Variants in C1orf21 observed in about 807,000 individuals in gnomAD.
The protein encoded by C1orf21 is uncharacterized protein C1orf21.
A neutral mutation model predicts 18.7 loss-of-function variants in C1orf21; 3 were observed. That is an observed-to-expected ratio of 0.16 (90% CI 0.07 to 0.42). The LOEUF is 0.42. Ranked by LOEUF, C1orf21 falls within the 10% of genes least tolerant of loss-of-function variation. C1orf21 has a pLI of 0.99. For synonymous variants in C1orf21, 41 were observed against 46.4 expected (o/e 0.88, Z 0.47); for missense variants, 104 against 143.6 (o/e 0.72, Z 1.41).
chr1:184,613,095 G>A (rs866553720), intron 5 of C1orf21, among the ~76,000 whole-genome samples: 13 of 152,018 alleles, frequency 8.6e-5, no homozygotes, highest in Middle Eastern at 6.3e-3. Flanking sequence ...GATTACAGGC[G>A]CACGCCACCA....
chr1:184,456,976 A>G (rs893379976), intron 1 of C1orf21, among the ~76,000 whole-genome samples: 2 of 152,186 alleles, frequency 1.3e-5, no homozygotes, highest in Non-Finnish European at 2.9e-5. Context: ...AGAGAGTTAT[A>G]AAACCAAACT....
intron 1 of C1orf21, among the ~76,000 whole-genome samples, chr1:184,405,383 A>G (rs1457123650): frequency 2.0e-5 from 3 of 151,952 alleles, no homozygotes; most frequent in Non-Finnish European, 4.4e-5. Context: ...TTTTGGAGAG[A>G]CAGGGTTTCA....
intron 3 of C1orf21, among the ~76,000 whole-genome samples, chr1:184,556,829 A>G (rs1457617132): frequency 6.6e-6 from 1 of 152,192 alleles, no homozygotes; most frequent in Non-Finnish European, 1.5e-5. Context: ...AAGGGAAAAG[A>G]TGAATGGAAG....
In C1orf21 at chr1:184,410,642, TATATATATATATATATA is replaced by T. The variant is rs1292326408; in HGVS notation, c.-125+23275_-125+23291del. ...TTATATATATATATATATATATATATATATATATATATATATATATATTTTTTTTTTTTTTTTTTGAG... is the reference window on the plus strand; with the variant it reads ...TTATATATATATATATATATATATATTATATTTTTTTTTTTTTTTTTTGAG... On this transcript the variant is annotated intron_variant, in intron 1 of 5. Transcript: ENST00000235307. 9.1e-3 allele frequency among the ~76,000 whole-genome samples: 49 copies of T among 5,374 alleles called. 11 individuals carry two copies. The highest frequency in any genetic ancestry group is 0.023 in the Admixed American group (20 of 866). The allele number at this position is 5,374 out of a possible 152,430, so 3.5% of individuals were successfully genotyped here. A position where few individuals can be genotyped will look rare whatever the true frequency, so the allele number is the denominator to read the frequency against.
Position 184,626,197 on chromosome 1 carries a change from C to G in C1orf21, c.*6641C>G, listed in dbSNP as rs1553260800. On this transcript the variant is annotated 3_prime_UTR_variant, in exon 6 of 6. Coordinates refer to ENST00000235307, the MANE Select transcript of C1orf21 (RefSeq NM_030806.4). The stretch of plus-strand genomic sequence containing the variant: ...CTAAATCCACCTTCAAGGAACCTAG[C>G]CATAACGAGGGAGGCAGCATGGAAG... 1 of 152,218 alleles carries G rather than the reference C, an allele frequency of 6.6e-6. No homozygotes were observed. Among genetic ancestry groups the G allele is most frequent in the Non-Finnish European group, 1.5e-5 (1 of 68,074 alleles). 9.4% of individuals were successfully genotyped at this position (152,218 alleles called of 1,614,324 possible). A position where few individuals can be genotyped will look rare whatever the true frequency, so the allele number is the denominator to read the frequency against.
intron 3 of C1orf21, among the ~76,000 whole-genome samples, chr1:184,589,683 T>G (rs780227245): frequency 6.6e-6 from 1 of 152,232 alleles, no homozygotes; most frequent in East Asian, 1.9e-4. Flanking sequence ...AAATCACATA[T>G]TTTTTGGAGT....
chr1:184,454,127 G>A (rs1416025503), intron 1 of C1orf21, among the ~76,000 whole-genome samples: 1 of 152,136 alleles, frequency 6.6e-6, no homozygotes, highest in Non-Finnish European at 1.5e-5. Flanking sequence ...AACTTTGTAT[G>A]TTTAAAACTT....
At chr1:184,522,966 G>A (rs528145410) in intron 3 of C1orf21, among the ~76,000 whole-genome samples, 27 of 152,274 alleles carry the variant, frequency 1.8e-4, no homozygotes, top group African/African-American at 6.0e-4. Flanking sequence ...GGGATGACGG[G>A]CATGAGCCAG....
chr1:184,541,628 G>T (rs1658652202), intron 3 of C1orf21, among the ~76,000 whole-genome samples: 1 of 152,218 alleles, frequency 6.6e-6, no homozygotes, highest in Non-Finnish European at 1.5e-5. Flanking sequence ...ATGGTCCTCT[G>T]AGGATGTTAA....
chr1:184,544,018 T>C (rs1658694592), intron 3 of C1orf21, among the ~76,000 whole-genome samples: 1 of 152,234 alleles, frequency 6.6e-6, no homozygotes, highest in Non-Finnish European at 1.5e-5. Context: ...CATTTGATTC[T>C]GGTTACTTAC....
chr1:184,425,075 G>C (rs1480428796), intron 1 of C1orf21, among the ~76,000 whole-genome samples: 1 of 152,032 alleles, frequency 6.6e-6, no homozygotes, highest in Non-Finnish European at 1.5e-5. Flanking sequence ...ATTAATAGTG[G>C]AATAAGGCTC....
chr1:184,525,850 G>T (rs1195575732), intron 3 of C1orf21, among the ~76,000 whole-genome samples: 2 of 152,138 alleles, frequency 1.3e-5, no homozygotes, highest in South Asian at 2.1e-4. Flanking sequence ...TGAGAGGAAG[G>T]AGAATGTCCA....
At chr1:184,485,164 A>G (rs945002714) in intron 2 of C1orf21, among the ~76,000 whole-genome samples, 2 of 152,188 alleles carry the variant, frequency 1.3e-5, no homozygotes, top group Non-Finnish European at 2.9e-5. Context: ...GCAGTCCAGC[A>G]CAGTACCCAT....
intron 2 of C1orf21, among the ~76,000 whole-genome samples, chr1:184,492,286 G>C (rs147677203): frequency 6.6e-6 from 1 of 152,192 alleles, no homozygotes; most frequent in African/African-American, 2.4e-5. Context: ...TGGTTTCTGC[G>C]TCTTGGGAGT....
rs139821935 is a variant in C1orf21, at chr1:184,553,001, C to T, written c.190-37738C>T. Among the ~76,000 whole-genome samples, 1,152 of 152,268 alleles carry T rather than the reference C, an allele frequency of 7.6e-3. 6 individuals are homozygous for T. Among genetic ancestry groups the T allele is most frequent in the Middle Eastern group, 0.02 (6 of 294 alleles). ...ATTCTGGCATATTGGTTAAGAAGGA[C>T]TCAGAGAATCCATCTAAAGCTCTTG... On this transcript the variant is annotated intron_variant, in intron 3 of 5. Transcript: ENST00000235307.
At chr1:184,600,355 C>T (rs1245140179) in intron 5 of C1orf21, among the ~76,000 whole-genome samples, 1 of 152,050 alleles carries the variant, frequency 6.6e-6, no homozygotes, top group Non-Finnish European at 1.5e-5. Context: ...TTAGTAGAAA[C>T]AGGGTTTCAC....
At chr1:184,605,919 G>A (rs184570320) in intron 5 of C1orf21, among the ~76,000 whole-genome samples, 1 of 152,150 alleles carries the variant, frequency 6.6e-6, no homozygotes, top group Non-Finnish European at 1.5e-5. Flanking sequence ...GGGCTTGTTG[G>A]GGGTGGTGCT....
At chr1:184,572,547 A>G (rs886243120) in intron 3 of C1orf21, among the ~76,000 whole-genome samples, 27 of 152,224 alleles carry the variant, frequency 1.8e-4, no homozygotes, top group Admixed American at 1.2e-3. Context: ...AGTAAGTTCT[A>G]TCAATCAGAA....
At position 184,624,328 on chromosome 1, in the gene C1orf21, A is replaced by G. The variant is rs1571308457; in HGVS notation, c.*4772A>G. The stretch of plus-strand genomic sequence containing the variant: ...GGCCACTGGCTAACAGTAGGACTTC[A>G]GTGCCCTGAGGAAAAGGCTTTGGGA... On this transcript the variant is annotated 3_prime_UTR_variant, in exon 6 of 6. Transcript: ENST00000235307. The G allele has an allele frequency of 6.5e-6, 1 of 152,688 alleles. No homozygotes were observed. Among genetic ancestry groups the G allele is most frequent in the Non-Finnish European group, 1.5e-5 (1 of 68,042 alleles). 9.5% of individuals were successfully genotyped at this position (152,688 alleles called of 1,614,324 possible). A position where few individuals can be genotyped will look rare whatever the true frequency, so the allele number is the denominator to read the frequency against.
Sources: gnomAD v4.1 joint callset for allele counts (sites outside exome capture counted in the v4.1 genomes callset) on GRCh38, gnomAD v4.1.1 for gene constraint, MANE v1.5 for transcripts, NCBI Gene and HGNC (gene_info 2026-07-23, HGNC 2026-07-21) for gene names.